BMPR1B: variants seen among roughly 807,000 people sequenced by gnomAD.
BMPR1B encodes bone morphogenetic protein receptor type 1B.
Under a neutral mutation model 59.1 loss-of-function variants are expected in BMPR1B, and 12 were observed. The observed-to-expected ratio is 0.20, with a 90% confidence interval of 0.13 to 0.33. BMPR1B has a LOEUF of 0.33. Ranked by LOEUF, BMPR1B falls within the 10% of genes least tolerant of loss-of-function variation. BMPR1B has a pLI of 1.00. For missense variants in BMPR1B, 550 were observed against 610.9 expected, an observed-to-expected ratio of 0.90 and a Z score of 1.05; for synonymous variants, 237 against 207.3, an observed-to-expected ratio of 1.14 and a Z score of -1.23.
intron 2 of BMPR1B, among the ~76,000 whole-genome samples, chr4:94,972,237 A>G (rs1322754757): frequency 6.6e-6 from 1 of 151,856 alleles, no homozygotes; most frequent in Non-Finnish European, 1.5e-5. Flanking sequence ...TACTTAAAAT[A>G]TATAATTTGT....
chr4:94,935,601 G>GT (rs1005102105), intron 2 of BMPR1B, among the ~76,000 whole-genome samples: 20 of 152,268 alleles, frequency 1.3e-4, no homozygotes, highest in African/African-American at 4.8e-4. Context: ...AGAGTGACTT[G>GT]TATGTGTGTG....
chr4:94,988,833 T>C (rs900486144), intron 2 of BMPR1B, among the ~76,000 whole-genome samples: 1 of 151,692 alleles, frequency 6.6e-6, no homozygotes, highest in Admixed American at 6.6e-5. Context: ...TAATGGTAGG[T>C]CCCTAAAGTA....
intron 1 of BMPR1B, among the ~76,000 whole-genome samples, chr4:94,852,325 A>C (rs1544386): frequency 0.61 from 92,401 of 151,892 alleles, 28,980 homozygotes; most frequent in African/African-American, 0.76. Context: ...ATTTAAACTG[A>C]ATAGATAGGA....
intron 12 of BMPR1B, among the ~76,000 whole-genome samples, chr4:95,153,897 G>T (rs1735233713): frequency 1.3e-5 from 2 of 152,164 alleles, no homozygotes; most frequent in Non-Finnish European, 2.9e-5. Flanking sequence ...TTGGTTTTGT[G>T]TCTGGTTACT....
At chr4:94,899,465 A>G (rs1727719892) in intron 2 of BMPR1B, among the ~76,000 whole-genome samples, 1 of 149,388 alleles carries the variant, frequency 6.7e-6, no homozygotes, top group Admixed American at 6.7e-5. Flanking sequence ...ATATATATTT[A>G]AATCATATAT....
chr4:95,070,041 A>G (rs1728156821), intron 3 of BMPR1B, among the ~76,000 whole-genome samples: 1 of 152,184 alleles, frequency 6.6e-6, no homozygotes, highest in Admixed American at 6.5e-5. Flanking sequence ...AGAGGTTGCC[A>G]TGAGCCAAGA....
intron 1 of BMPR1B, among the ~76,000 whole-genome samples, chr4:94,781,084 A>G (rs1189481956): frequency 6.6e-6 from 1 of 152,182 alleles, no homozygotes; most frequent in African/African-American, 2.4e-5. Context: ...AATGATATCA[A>G]GCATGTTTTC....
intron 2 of BMPR1B, among the ~76,000 whole-genome samples, chr4:94,929,683 G>A (rs972845563): frequency 5.3e-5 from 8 of 151,782 alleles, no homozygotes; most frequent in African/African-American, 1.9e-4. Flanking sequence ...CATTCTTCCC[G>A]CTTTTCATGA....
intron 2 of BMPR1B, among the ~76,000 whole-genome samples, chr4:94,992,368 G>A (rs1047004873): frequency 1.1e-4 from 17 of 152,180 alleles, no homozygotes; most frequent in Non-Finnish European, 1.5e-5. Flanking sequence ...GCCTGGGCAT[G>A]GGCCTATACA....
At chr4:95,095,501 G>A (rs1366858789) in intron 3 of BMPR1B, among the ~76,000 whole-genome samples, 1 of 152,030 alleles carries the variant, frequency 6.6e-6, no homozygotes, top group East Asian at 1.9e-4. Flanking sequence ...CATTTAAAGT[G>A]CAAACTTGTG....
intron 3 of BMPR1B, among the ~76,000 whole-genome samples, chr4:95,075,352 G>T (rs1179937689): frequency 6.6e-6 from 1 of 152,030 alleles, no homozygotes; most frequent in Admixed American, 6.6e-5. Flanking sequence ...TGATTTTTAG[G>T]CAGTTAATAG....
chr4:95,032,415 C>T (rs1724934687), intron 3 of BMPR1B, among the ~76,000 whole-genome samples: 1 of 152,110 alleles, frequency 6.6e-6, no homozygotes, highest in African/African-American at 2.4e-5. Flanking sequence ...CCAAAGGCCC[C>T]ACCTCTAAAT....
intron 2 of BMPR1B, among the ~76,000 whole-genome samples, chr4:94,898,212 A>G (rs2148996896): frequency 6.6e-6 from 1 of 151,996 alleles, no homozygotes; most frequent in East Asian, 1.9e-4. Context: ...TCAGCCTCCC[A>G]AGGGGCTGAG....
intron 10 of BMPR1B, among the ~76,000 whole-genome samples, chr4:95,137,023 T>G (rs1456140677): frequency 6.6e-6 from 1 of 152,226 alleles, no homozygotes; most frequent in African/African-American, 2.4e-5. Context: ...TTTTAGATCT[T>G]TCCTGCTTTC....
rs556520390 is a variant in BMPR1B, at chr4:94,908,840, G to T, written c.-113+32940G>T. On this transcript the variant is annotated intron_variant, in intron 2 of 12. Coordinates refer to ENST00000515059, the MANE Select transcript of BMPR1B (RefSeq NM_001203.3). ...TGTCTCCGTGTTCATAGTTCTTATC[G>T]ACTCTTCATGACCTTACTCTGTGTC... is the stretch of plus-strand genomic sequence containing the variant. 3.7e-4 allele frequency among the ~76,000 whole-genome samples: 56 copies of T among 151,924 alleles called. No homozygotes were observed. In the South Asian group the frequency reaches 0.011, roughly 30 times the overall value.
chr4:94,822,182 T>C (rs1353822401), intron 1 of BMPR1B, among the ~76,000 whole-genome samples: 1 of 152,160 alleles, frequency 6.6e-6, no homozygotes, highest in Non-Finnish European at 1.5e-5. Context: ...CCAGATAAGC[T>C]CTTCTGTAAA....
chr4:95,142,799 A>G (rs1475366740), intron 10 of BMPR1B, among the ~76,000 whole-genome samples: 1 of 144,892 alleles, frequency 6.9e-6, no homozygotes, highest in East Asian at 2.0e-4. Context: ...GTGCTCAGTC[A>G]AGTAGTTGGG....
chr4:94,984,662 T>C (rs1721294099), intron 2 of BMPR1B, among the ~76,000 whole-genome samples: 1 of 152,176 alleles, frequency 6.6e-6, no homozygotes, highest in African/African-American at 2.4e-5. Context: ...ATTACACAGG[T>C]AATTAAACAG....
At chr4:95,032,659 A>G (rs1289765293) in intron 3 of BMPR1B, among the ~76,000 whole-genome samples, 2 of 152,146 alleles carry the variant, frequency 1.3e-5, no homozygotes. Context: ...ACTTGGCCTA[A>G]TATCCTTAAA....
Sources: allele counts gnomAD v4.1 joint callset (sites outside exome capture counted in the v4.1 genomes callset), GRCh38; gene constraint gnomAD v4.1.1; transcripts MANE v1.5; gene names NCBI Gene and HGNC (gene_info 2026-07-23, HGNC 2026-07-21).